Variants in NELL1 observed in about 807,000 individuals in gnomAD.
NELL1 encodes the protein neural EGFL like 1.
Under a neutral mutation model 107.4 loss-of-function variants are expected in NELL1, and 76 were observed. The observed-to-expected ratio is 0.71, with a 90% CI of 0.59 to 0.86. The LOEUF is 0.86. Among genes scored for constraint, NELL1 ranks in the 40% least tolerant of loss-of-function variants. NELL1 has a pLI of 0.00. For synonymous variants in NELL1, 353 were observed against 341.2 expected (o/e 1.03, Z -0.38); for missense variants, 1,024 against 1,005.5 (o/e 1.02, Z -0.25).
At chr11:21,161,066 T>A (rs1190068387) in intron 13 of NELL1, among the ~76,000 whole-genome samples, 8 of 151,174 alleles carry the variant, frequency 5.3e-5, no homozygotes, top group Non-Finnish European at 8.8e-5. Context: ...AGTAACATTT[T>A]AAAAATTCAT....
At chr11:21,320,185 C>T (rs867307099) in intron 14 of NELL1, among the ~76,000 whole-genome samples, 1 of 152,002 alleles carries the variant, frequency 6.6e-6, no homozygotes, top group Non-Finnish European at 1.5e-5. Context: ...TATGGTTGCT[C>T]AAAACACTGG....
chr11:21,106,722 C>T lies in NELL1; in HGVS notation c.1301-6867C>T, dbSNP rs150104937. Among the ~76,000 whole-genome samples the T allele has an allele frequency of 9.4e-3, 1,430 of 152,186 alleles. 18 individuals are homozygous for T. The highest frequency in any genetic ancestry group is 0.032 in the African/African-American group (1,336 of 41,512). ...CATGGTTTGCATATATATTTTTTTA[C>T]CTGACTTCTGTAGGTATTTGATTTA... On this transcript the variant is annotated intron_variant, in intron 12 of 19. Coordinates refer to ENST00000357134, the MANE Select transcript of NELL1 (RefSeq NM_006157.5).
intron 14 of NELL1, among the ~76,000 whole-genome samples, chr11:21,258,327 C>G (rs1258899426): frequency 6.6e-6 from 1 of 151,960 alleles, no homozygotes; most frequent in Non-Finnish European, 1.5e-5. Flanking sequence ...AATTGAAATT[C>G]TAGTTCTGTA....
In NELL1 at chr11:21,449,428, A is replaced by G. The variant is rs189186224; in HGVS notation, c.1645+78480A>G. On this transcript the variant is annotated intron_variant, in intron 15 of 19. Transcript: ENST00000357134. ...AAATGGAGTTGTTTTCTTTTTATTGACTTTTGAGAGGTTATTATAGATTTT... is the reference window on the plus strand; with the variant it reads ...AAATGGAGTTGTTTTCTTTTTATTGGCTTTTGAGAGGTTATTATAGATTTT... 3.5e-3 allele frequency among the ~76,000 whole-genome samples: 536 copies of G among 151,754 alleles called. 3 individuals are homozygous for G. The highest frequency in any genetic ancestry group is 0.012 in the African/African-American group (516 of 41,448).
At chr11:20,698,631 A>G (rs1854684806) in intron 2 of NELL1, among the ~76,000 whole-genome samples, 2 of 152,174 alleles carry the variant, frequency 1.3e-5, no homozygotes. Context: ...TGGTGTGAGA[A>G]AAAGACATTC....
At chr11:20,841,960 T>G (rs1025971716) in intron 3 of NELL1, among the ~76,000 whole-genome samples, 1 of 152,182 alleles carries the variant, frequency 6.6e-6, no homozygotes, top group Non-Finnish European at 1.5e-5. Flanking sequence ...TACTGCCTCT[T>G]TTTCAGGACA....
intron 15 of NELL1, among the ~76,000 whole-genome samples, chr11:21,448,414 AAC>A (rs1853496697): frequency 6.6e-6 from 1 of 152,172 alleles, no homozygotes; most frequent in African/African-American, 2.4e-5. Flanking sequence ...TCAACTTGCT[AAC>A]TACGTTAAAA....
chr11:21,115,331 AACACAC>A (rs66507806), intron 13 of NELL1, among the ~76,000 whole-genome samples: 20,452 of 140,544 alleles, frequency 0.15, 1,491 homozygotes, highest in Non-Finnish European at 0.16. Context: ...GTCTACATCA[AACACAC>A]ACACACACAC....
chr11:21,237,649 C>T (rs757311644), intron 14 of NELL1, among the ~76,000 whole-genome samples: 3 of 151,996 alleles, frequency 2.0e-5, no homozygotes, highest in South Asian at 2.1e-4. Context: ...CTCTGGTTAT[C>T]TAACTGGAAA....
At chr11:21,210,458 C>A (rs146516544) in intron 13 of NELL1, among the ~76,000 whole-genome samples, 1 of 152,102 alleles carries the variant, frequency 6.6e-6, no homozygotes, top group Non-Finnish European at 1.5e-5. Flanking sequence ...TGTGGCTTTG[C>A]ATTAGATTTC....
At chr11:21,065,085 C>T (rs945046570) in intron 12 of NELL1, among the ~76,000 whole-genome samples, 1 of 151,946 alleles carries the variant, frequency 6.6e-6, no homozygotes, top group Non-Finnish European at 1.5e-5. Context: ...CTTCTTTTTG[C>T]ATTTTTGAGC....
intron 17 of NELL1, 70 bp downstream of exon 17, chr11:21,560,452 C>A: frequency 7.6e-7 from 1 of 1,312,116 alleles, no homozygotes; most frequent in South Asian, 1.5e-5. Flanking sequence ...TCTACCTCCC[C>A]AGCTCTCTCC....
At chr11:21,254,484 G>A (rs1490071287) in intron 14 of NELL1, among the ~76,000 whole-genome samples, 2 of 151,866 alleles carry the variant, frequency 1.3e-5, no homozygotes, top group African/African-American at 2.4e-5. Flanking sequence ...CAATTTATAC[G>A]AAAAAAAGAC....
At chr11:21,136,361 G>A (rs1228179119) in intron 13 of NELL1, among the ~76,000 whole-genome samples, 1 of 152,168 alleles carries the variant, frequency 6.6e-6, no homozygotes, top group African/African-American at 2.4e-5. Flanking sequence ...CCATGGTAAG[G>A]GGTTTAGATA....
At chr11:21,190,419 G>A (rs150188390) in intron 13 of NELL1, among the ~76,000 whole-genome samples, 40 of 151,884 alleles carry the variant, frequency 2.6e-4, no homozygotes, top group African/African-American at 9.5e-4. Flanking sequence ...ACAACTAGGA[G>A]CATCATAAGG....
At chr11:20,707,442 C>T (rs990448623) in intron 2 of NELL1, among the ~76,000 whole-genome samples, 11 of 152,202 alleles carry the variant, frequency 7.2e-5, no homozygotes, top group South Asian at 4.1e-4. Context: ...GGAGAAGAGG[C>T]GCTCTGATTT....
At chr11:20,953,905 G>A (rs1378328739) in intron 11 of NELL1, among the ~76,000 whole-genome samples, 1 of 152,188 alleles carries the variant, frequency 6.6e-6, no homozygotes. Flanking sequence ...AATGTAGGAT[G>A]AATGCGGACA....
At chr11:20,880,141 G>T (rs1476731873) in intron 4 of NELL1, among the ~76,000 whole-genome samples, 1 of 152,196 alleles carries the variant, frequency 6.6e-6, no homozygotes, top group Non-Finnish European at 1.5e-5. Context: ...ATGAGTTCTT[G>T]CATTGTAACA....
intron 12 of NELL1, among the ~76,000 whole-genome samples, chr11:20,983,566 A>G (rs1395159010): frequency 1.3e-5 from 2 of 152,092 alleles, no homozygotes; most frequent in Non-Finnish European, 2.9e-5. Context: ...GACATTCTTA[A>G]TGCTTTCCTC....
Sources: gnomAD v4.1 joint callset for allele counts (sites outside exome capture counted in the v4.1 genomes callset) on GRCh38, gnomAD v4.1.1 for gene constraint, MANE v1.5 for transcripts, NCBI Gene and HGNC (gene_info 2026-07-23, HGNC 2026-07-21) for gene names.